Variants in KCTD8 observed in about 807,000 individuals in gnomAD.
The protein encoded by KCTD8 is BTB/POZ domain-containing protein KCTD8.
In KCTD8, 27 loss-of-function variants were observed where a neutral mutation model predicts 31.5. The observed-to-expected ratio is 0.86, with a 90% confidence interval of 0.63 to 1.18. The LOEUF (loss-of-function observed/expected upper bound fraction) is 1.18, where lower values mean the gene tolerates loss of function less well. KCTD8 is among the 50% of genes most tolerant of loss of function. The probability of loss-of-function intolerance (pLI) is 0.00; values close to 1 mark genes in which losing one functional copy is unlikely to be tolerated. For missense variants in KCTD8, 658 were observed against 647.7 expected (o/e 1.02, Z -0.17); for synonymous variants, 290 against 280.0 (o/e 1.04, Z -0.36).
At chr4:44,193,646 A>C (rs1011404643) in intron 1 of KCTD8, among the ~76,000 whole-genome samples, 5 of 152,070 alleles carry the variant, frequency 3.3e-5, no homozygotes, top group East Asian at 3.9e-4. Flanking sequence ...ATTTTAACAA[A>C]AAAAAAAAAA....
At position 44,448,484 on chromosome 4, in the gene KCTD8, G is replaced by A. The variant is rs1445564557; in HGVS notation, c.40C>T (p.Leu14=). 6 of 1,514,564 alleles carry A rather than the reference G, an allele frequency of 4.0e-6. No individual in the cohort carries two copies. The highest frequency in any genetic ancestry group is 1.4e-5 in the African/African-American group (1 of 71,066). 93.8% of individuals were successfully genotyped at this position (1,514,564 alleles called of 1,614,324 possible). A position where few individuals can be genotyped will look rare whatever the true frequency, so the allele number is the denominator to read the frequency against. The change falls in exon 1 of 2, where the codon CTG becomes TTG. Residue 14 remains leucine (L), a synonymous_variant. Coordinates refer to ENST00000360029, the MANE Select transcript of KCTD8 (RefSeq NM_198353.3). This position sits in a 1 kb window ranked among gnomAD's most constrained non-coding sequence, Gnocchi z 4.1. ...KDTGSGGSTI[L]PISEMVSSSS... ...GAGGAAACCATCTCGCTAATGGGCA[G>A]GATGGTGCTGCCGCCGCTGCCCGTG...
Position 44,448,292 on chromosome 4 carries a change from T to A in KCTD8, c.232A>T (p.Ser78Cys). The change falls in exon 1 of 2, where the codon AGT (serine) becomes TGT (cysteine). Residue 78 changes from serine (S) to cysteine (C), a missense_variant. Transcript: ENST00000360029. The surrounding 1 kb of genome is among the most constrained non-coding windows in gnomAD (Gnocchi z 4.1). ...CGGCGCCGGGCGCCGCCACGGGGACTAGAGGGCGAGAACATGCTGGCCAAA... is the reference window on the plus strand; with the variant it reads ...CGGCGCCGGGCGCCGCCACGGGGACAAGAGGGCGAGAACATGCTGGCCAAA... ...STLASMFSPSSPRGGARRRGE... is the reference protein window; with the variant it reads ...STLASMFSPSCPRGGARRRGE... The A allele has an allele frequency of 6.2e-7, 1 of 1,608,002 alleles. No individual in the cohort carries two copies. Among genetic ancestry groups the A allele is most frequent in the Non-Finnish European group, 8.5e-7 (1 of 1,178,056 alleles).
intron 1 of KCTD8, among the ~76,000 whole-genome samples, chr4:44,345,696 C>T (rs1490291635): frequency 6.6e-6 from 1 of 152,102 alleles, no homozygotes; most frequent in African/African-American, 2.4e-5. Context: ...TATAAATATA[C>T]TCTCCTCTAG....
At chr4:44,366,010 GT>G (rs1244775658) in intron 1 of KCTD8, among the ~76,000 whole-genome samples, 1 of 152,156 alleles carries the variant, frequency 6.6e-6, no homozygotes, top group African/African-American at 2.4e-5. Context: ...TGTAAAGCAA[GT>G]TGTAAAATTA....
At chr4:44,363,414 A>G (rs2109431634) in intron 1 of KCTD8, among the ~76,000 whole-genome samples, 1 of 152,314 alleles carries the variant, frequency 6.6e-6, no homozygotes, top group South Asian at 2.1e-4. Context: ...TCAGGCAACT[A>G]GCTGAAAACT....
chr4:44,191,053 C>T (rs762717916), intron 1 of KCTD8, among the ~76,000 whole-genome samples: 66 of 152,196 alleles, frequency 4.3e-4, no homozygotes, highest in African/African-American at 1.1e-3. Flanking sequence ...CGGCTGGAGC[C>T]GTGGCAGAGG....
intron 1 of KCTD8, among the ~76,000 whole-genome samples, chr4:44,336,099 G>A (rs1718734288): frequency 8.2e-6 from 1 of 121,606 alleles, no homozygotes; most frequent in South Asian, 2.6e-4. Context: ...GCAGTGAGCC[G>A]AGATCCCGCC....
intron 1 of KCTD8, among the ~76,000 whole-genome samples, chr4:44,389,895 G>C (rs561798437): frequency 1.6e-4 from 25 of 151,922 alleles, no homozygotes; most frequent in Middle Eastern, 3.4e-3. Flanking sequence ...TAGTGATGTT[G>C]AGCATTTTTT....
intron 1 of KCTD8, among the ~76,000 whole-genome samples, chr4:44,236,406 C>T (rs1054814956): frequency 6.6e-6 from 1 of 152,110 alleles, no homozygotes; most frequent in Admixed American, 6.5e-5. Context: ...AAAAAAGCAA[C>T]AAGAGTCAGA....
chr4:44,215,404 CTATT>C (rs1437150728), intron 1 of KCTD8, among the ~76,000 whole-genome samples: 5 of 152,116 alleles, frequency 3.3e-5, no homozygotes, highest in African/African-American at 7.2e-5. Context: ...GAATTATTGA[CTATT>C]TAAGAAATAG....
intron 1 of KCTD8, among the ~76,000 whole-genome samples, chr4:44,228,716 CTTGT>C (rs759807566): frequency 9.2e-5 from 14 of 152,128 alleles, no homozygotes; most frequent in Non-Finnish European, 1.5e-4. Flanking sequence ...CACAGTTTAG[CTTGT>C]TTATTTTCTG....
chr4:44,377,087 A>G (rs1719935257), intron 1 of KCTD8, among the ~76,000 whole-genome samples: 1 of 152,198 alleles, frequency 6.6e-6, no homozygotes, highest in Non-Finnish European at 1.5e-5. Flanking sequence ...GTTAAACAAA[A>G]TTATGCTCTA....
chr4:44,447,973 G>A lies in KCTD8; in HGVS notation c.551C>T (p.Ala184Val). The change falls in exon 1 of 2, where the codon GCC becomes GTC. Residue 184 changes from alanine to valine, a missense_variant. Physicochemically the swap from Ala to Val is moderately conservative, Grantham distance 64. Transcript: ENST00000360029. ...CGCTCCCGGGCCCGAGGGCACGGCGGCCGCCGCCCCGCGCAGCAGCAGCGC... is the reference window on the plus strand; with the variant it reads ...CGCTCCCGGGCCCGAGGGCACGGCGACCGCCGCCCCGCGCAGCAGCAGCGC... Reference protein sequence around the residue: ...SDALLLRGAAAAVPSGPGAHG... With the variant: ...SDALLLRGAAVAVPSGPGAHG... 7 of 1,531,292 alleles carry A rather than the reference G, an allele frequency of 4.6e-6. No homozygotes were observed. The highest frequency in any genetic ancestry group is 1.2e-5 in the South Asian group (1 of 81,710). 94.9% of individuals were successfully genotyped at this position (1,531,292 alleles called of 1,614,324 possible).
chr4:44,188,881 G>C (rs1713675615), intron 1 of KCTD8, among the ~76,000 whole-genome samples: 1 of 152,148 alleles, frequency 6.6e-6, no homozygotes, highest in Admixed American at 6.5e-5. Context: ...TTTTAGCCTA[G>C]TGAAACTGAC....
intron 1 of KCTD8, among the ~76,000 whole-genome samples, chr4:44,291,522 A>T (rs995993137): frequency 6.6e-6 from 1 of 152,158 alleles, no homozygotes; most frequent in Admixed American, 6.5e-5. Flanking sequence ...TAAAAATTGT[A>T]GAAGAAAAGC....
chr4:44,246,220 C>T (rs118038121), intron 1 of KCTD8, among the ~76,000 whole-genome samples: 2,519 of 152,052 alleles, frequency 0.017, 86 homozygotes, highest in East Asian at 0.094. Context: ...AATAAGCCAA[C>T]CTCAAATGCT....
intron 1 of KCTD8, among the ~76,000 whole-genome samples, chr4:44,352,960 T>C (rs1215572926): frequency 6.6e-6 from 1 of 152,160 alleles, no homozygotes; most frequent in African/African-American, 2.4e-5. Context: ...TATCATCATT[T>C]TAAATTAAGT....
chr4:44,209,153 T>C (rs949739860), intron 1 of KCTD8, among the ~76,000 whole-genome samples: 27 of 152,076 alleles, frequency 1.8e-4, no homozygotes, highest in Non-Finnish European at 4.4e-5. Flanking sequence ...TCTGTTAAAA[T>C]GGGGTTTTCT....
chr4:44,286,292 A>G (rs1717065581), intron 1 of KCTD8, among the ~76,000 whole-genome samples: 1 of 152,132 alleles, frequency 6.6e-6, no homozygotes, highest in South Asian at 2.1e-4. Flanking sequence ...TAAATTCAGT[A>G]TCTCTGAAAA....
Sources: allele counts gnomAD v4.1 joint callset (sites outside exome capture counted in the v4.1 genomes callset), GRCh38; gene constraint gnomAD v4.1.1; non-coding constraint Gnocchi (gnomAD v3.1); transcripts MANE v1.5; gene names NCBI Gene and HGNC (gene_info 2026-07-23, HGNC 2026-07-21).